Variants in SAYSD1 observed in about 807,000 individuals in gnomAD.
The protein encoded by SAYSD1 is SAYSvFN domain-containing protein 1.
SAYSD1 carries 15 observed loss-of-function variants against 14.5 expected under a neutral mutation model. That is an observed-to-expected ratio of 1.03 (90% CI 0.69 to 1.59). SAYSD1 has a LOEUF of 1.59. Among genes scored for constraint, SAYSD1 ranks in the 40% most tolerant of loss-of-function variants. The probability of loss-of-function intolerance (pLI) is 0.00; values close to 1 mark genes in which losing one functional copy is unlikely to be tolerated. For synonymous variants in SAYSD1, 105 were observed against 102.6 expected, an observed-to-expected ratio of 1.02 and a Z score of -0.14; for missense variants, 247 against 227.3, an observed-to-expected ratio of 1.09 and a Z score of -0.56.
At chr6:39,108,109 C>T (rs7757449) in intron 1 of SAYSD1, among the ~76,000 whole-genome samples, 95,844 of 151,942 alleles carry the variant, frequency 0.63, 31,866 homozygotes, top group African/African-American at 0.85. Context: ...AATATACATG[C>T]TGAGATTCAC....
chr6:39,112,551 C>A (rs950373846), intron 1 of SAYSD1: 1 of 152,226 alleles, frequency 6.6e-6, no homozygotes, highest in African/African-American at 2.4e-5. Flanking sequence ...AGCAACTTTC[C>A]GAAGCTCGAA....
At chr6:39,112,939 C>G (rs1769655442) in intron 1 of SAYSD1, 1 of 154,492 alleles carries the variant, frequency 6.5e-6, no homozygotes, top group Non-Finnish European at 1.5e-5. Flanking sequence ...TATTTTCAAA[C>G]TTCCAGAAGG....
Position 39,107,351 on chromosome 6 carries a change from A to ACCAG in SAYSD1, c.208-1576_208-1575insCTGG, listed in dbSNP as rs140335785. ...GGGTGCCCCCTCTGCCTCCCCCAGA[A>ACCAG]CTAGCTCTCCCGTTCATTAAGCACC... On this transcript the variant is annotated intron_variant, in intron 1 of 1. Transcript: ENST00000229903. Among the ~76,000 whole-genome samples the ACCAG allele has an allele frequency of 2.3e-3, 343 of 152,246 alleles. 2 individuals are homozygous for ACCAG. The highest frequency in any genetic ancestry group is 8.0e-3 in the African/African-American group (334 of 41,554).
chr6:39,110,634 A>C (rs532789026), intron 1 of SAYSD1: 1 of 152,386 alleles, frequency 6.6e-6, no homozygotes, highest in East Asian at 1.9e-4. Flanking sequence ...GAAGTGCTGA[A>C]CAAGGATGCA....
intron 1 of SAYSD1, 115 bp downstream of exon 1, chr6:39,114,767 TG>T (rs2113742370): frequency 2.0e-6 from 2 of 997,316 alleles, no homozygotes; most frequent in East Asian, 4.8e-5. Flanking sequence ...TCGATCAGGA[TG>T]GGGGGCCAGT....
intron 1 of SAYSD1, 89 bp downstream of exon 1, chr6:39,114,794 A>G: frequency 7.4e-7 from 1 of 1,343,430 alleles, no homozygotes; most frequent in Non-Finnish European, 1.0e-6. Context: ...CGCCTCCGGC[A>G]GCTAGGGCCA....
chr6:39,106,168 T>C (rs1276343499), intron 1 of SAYSD1, among the ~76,000 whole-genome samples: 1 of 152,082 alleles, frequency 6.6e-6, no homozygotes, highest in African/African-American at 2.4e-5. Context: ...GTTGATTGGA[T>C]TAGATGACCT....
At chr6:39,112,285 G>A (rs1440261856) in intron 1 of SAYSD1, 9 of 153,482 alleles carry the variant, frequency 5.9e-5, no homozygotes, top group African/African-American at 1.9e-4. Context: ...ATGGTCAACA[G>A]CTTAACGACC....
At chr6:39,114,819 A>G in intron 1 of SAYSD1, 64 bp downstream of exon 1, 1 of 1,530,948 alleles carries the variant, frequency 6.5e-7, no homozygotes, top group African/African-American at 1.4e-5. Flanking sequence ...CCCGGCAGCT[A>G]GGGCCGCGCC....
intron 1 of SAYSD1, chr6:39,113,786 G>A (rs549241389): frequency 6.6e-6 from 1 of 152,292 alleles, no homozygotes; most frequent in African/African-American, 2.4e-5. Context: ...TACTTAGAAA[G>A]TTCTAGTCAA....
chr6:39,111,521 G>C (rs1039971057), intron 1 of SAYSD1: 1 of 152,194 alleles, frequency 6.6e-6, no homozygotes, highest in Non-Finnish European at 1.5e-5. Flanking sequence ...CAAAGAGTAT[G>C]CTAGGCCTGC....
chr6:39,105,201 A>T lies in SAYSD1; in HGVS notation c.*231T>A. ...CAAACAGGTCTCCCTTCTTGAGTACATAATTTTTATAAATTGCGTCGGACC... is the reference window on the plus strand; with the variant it reads ...CAAACAGGTCTCCCTTCTTGAGTACTTAATTTTTATAAATTGCGTCGGACC... On this transcript the variant is annotated 3_prime_UTR_variant, in exon 2 of 2. Transcript: ENST00000229903. 3 of 523,396 alleles carry T rather than the reference A, an allele frequency of 5.7e-6. No individual in the cohort carries two copies. The highest frequency in any genetic ancestry group is 3.4e-5 in the Admixed American group (1 of 29,722). The allele number at this position is 523,396 out of a possible 1,614,324, so 32.4% of individuals were successfully genotyped here.
intron 1 of SAYSD1, among the ~76,000 whole-genome samples, chr6:39,108,423 TG>T (rs11451700): frequency 6.3e-5 from 6 of 95,574 alleles, no homozygotes; most frequent in Admixed American, 2.1e-4. Flanking sequence ...TAGATGGGTG[TG>T]GGGGTGGGGG....
intron 1 of SAYSD1, among the ~76,000 whole-genome samples, chr6:39,107,052 T>C (rs1018258866): frequency 7.9e-5 from 12 of 152,356 alleles, no homozygotes; most frequent in Admixed American, 5.2e-4. Context: ...AAAAACATTT[T>C]TAATAGGGAA....
At chr6:39,109,452 T>C (rs886497034) in intron 1 of SAYSD1, 9 of 1,541,306 alleles carry the variant, frequency 5.8e-6, no homozygotes, top group African/African-American at 2.7e-5. Flanking sequence ...TGCAGCGGCA[T>C]TGTCAGTCAC....
chr6:39,113,117 G>A (rs572998339), intron 1 of SAYSD1: 2 of 152,350 alleles, frequency 1.3e-5, no homozygotes, highest in African/African-American at 2.4e-5. Flanking sequence ...GGCTGGGGTT[G>A]GAAATGGGTA....
chr6:39,109,115 G>A (rs1467226254), intron 1 of SAYSD1, among the ~76,000 whole-genome samples: 1 of 152,168 alleles, frequency 6.6e-6, no homozygotes, highest in Non-Finnish European at 1.5e-5. Flanking sequence ...TTGCGGGGGT[G>A]AGGCACAGCT....
rs1769452140 is a variant in SAYSD1, at chr6:39,104,355, A to G, written c.*1077T>C. 1 of 152,024 alleles carries G rather than the reference A, an allele frequency of 6.6e-6. No homozygotes were observed. Among genetic ancestry groups the G allele is most frequent in the African/African-American group, 2.4e-5 (1 of 41,294 alleles). The allele number at this position is 152,024 out of a possible 1,614,324, so 9.4% of individuals were successfully genotyped here. A position where few individuals can be genotyped will look rare whatever the true frequency, so the allele number is the denominator to read the frequency against. On this transcript the variant is annotated 3_prime_UTR_variant, in exon 2 of 2. Transcript: ENST00000229903. ...ACCCAATGGGAGTTTGCCTAATTTT[A>G]ATGAACCCAAACTCTAACATTGTAC...
chr6:39,110,510 A>G (rs1769605067), intron 1 of SAYSD1: 1 of 152,626 alleles, frequency 6.6e-6, no homozygotes, highest in Non-Finnish European at 1.5e-5. Flanking sequence ...CCCAGATCTT[A>G]TGGATGTCTA....
Sources: allele counts gnomAD v4.1 joint callset (sites outside exome capture counted in the v4.1 genomes callset), GRCh38; gene constraint gnomAD v4.1.1; transcripts MANE v1.5; gene names NCBI Gene and HGNC (gene_info 2026-07-23, HGNC 2026-07-21).